SRGAP3: variants seen among roughly 807,000 people sequenced by gnomAD.
The protein encoded by SRGAP3 is SLIT-ROBO Rho GTPase activating protein 3, also known as SLIT-ROBO Rho GTPase-activating protein 3.
Under a neutral mutation model 121.1 loss-of-function variants are expected in SRGAP3, and 39 were observed. That is an observed-to-expected ratio of 0.32 (90% CI 0.25 to 0.42). SRGAP3 has a LOEUF of 0.42. SRGAP3 is among the 10% of genes least tolerant of loss of function. The probability of loss-of-function intolerance (pLI) is 1.00; values close to 1 mark genes in which losing one functional copy is unlikely to be tolerated. For synonymous variants in SRGAP3, 601 were observed against 570.0 expected (o/e 1.05, Z -0.77); for missense variants, 1,213 against 1,470.6 (o/e 0.82, Z 2.86).
intron 1 of SRGAP3, among the ~76,000 whole-genome samples, chr3:9,185,690 G>C (rs1951573742): frequency 6.6e-6 from 1 of 151,922 alleles, no homozygotes; most frequent in South Asian, 2.1e-4. Flanking sequence ...TGTCACTCAA[G>C]TAGCACTAAG....
Position 9,056,355 on chromosome 3 carries a change from A to C in SRGAP3, c.1024-21T>G, listed in dbSNP as rs775808025. The C allele has an allele frequency of 3.7e-6, 6 of 1,609,956 alleles. No homozygotes were observed. In the Admixed American group the frequency reaches 1.0e-4, roughly 27 times the overall value. ...CAGACCTGCAGGAATAACAGCCACCATCTGTGGTTGCCCTGTGCCCTCCTC... is the reference window on the plus strand; with the variant it reads ...CAGACCTGCAGGAATAACAGCCACCCTCTGTGGTTGCCCTGTGCCCTCCTC... On this transcript the variant is annotated intron_variant, in intron 7 of 21. Transcript: ENST00000383836.
intron 3 of SRGAP3, among the ~76,000 whole-genome samples, chr3:9,101,461 G>C (rs1462014335): frequency 3.3e-5 from 5 of 152,204 alleles, no homozygotes; most frequent in Non-Finnish European, 7.3e-5. Context: ...ACCCGTGCTG[G>C]ACCAATCACA....
intron 4 of SRGAP3, 71 bp from the exon 5 acceptor site, chr3:9,064,652 C>A: frequency 6.3e-7 from 1 of 1,577,828 alleles, no homozygotes; most frequent in Non-Finnish European, 8.6e-7. Flanking sequence ...TTACTCCTGG[C>A]TCCATACCAA....
intron 1 of SRGAP3, among the ~76,000 whole-genome samples, chr3:9,164,144 T>G (rs1441079629): frequency 6.6e-6 from 1 of 151,502 alleles, no homozygotes; most frequent in Non-Finnish European, 1.5e-5. Context: ...ATTACAGGCA[T>G]GTGCAACCAC....
intron 4 of SRGAP3, among the ~76,000 whole-genome samples, chr3:9,078,725 C>T (rs1246436012): frequency 6.6e-6 from 1 of 152,126 alleles, no homozygotes; most frequent in Non-Finnish European, 1.5e-5. Flanking sequence ...GCTGTTCTGC[C>T]CCCCAGTGAC....
intron 1 of SRGAP3, among the ~76,000 whole-genome samples, chr3:9,126,345 A>G (rs76985533): frequency 0.03 from 4,506 of 152,288 alleles, 210 homozygotes; most frequent in African/African-American, 0.1. Context: ...TAAAATGTTC[A>G]TGTTGGCCAG....
intron 1 of SRGAP3, among the ~76,000 whole-genome samples, chr3:9,135,755 T>A (rs972752637): frequency 6.6e-6 from 1 of 152,140 alleles, no homozygotes; most frequent in Non-Finnish European, 1.5e-5. Flanking sequence ...TATACAGAGG[T>A]GGCATGGCGC....
intron 3 of SRGAP3, among the ~76,000 whole-genome samples, chr3:9,099,293 C>G (rs1948113571): frequency 6.6e-6 from 1 of 152,202 alleles, no homozygotes; most frequent in African/African-American, 2.4e-5. Context: ...AGTCTTTCCT[C>G]ATTAGTGCTT....
intron 4 of SRGAP3, among the ~76,000 whole-genome samples, chr3:9,076,145 G>T (rs1181549667): frequency 6.6e-6 from 1 of 152,112 alleles, no homozygotes; most frequent in African/African-American, 2.4e-5. Context: ...TAATTGACCA[G>T]AAAACTGCAG....
intron 1 of SRGAP3, chr3:9,348,706 G>A: frequency 8.4e-7 from 1 of 1,195,312 alleles, no homozygotes; most frequent in East Asian, 2.3e-5. Flanking sequence ...GCCTCAATGA[G>A]CAGCACTCTG....
In SRGAP3 at chr3:8,985,870, C is replaced by T. The variant is rs147085328; in HGVS notation, c.2949G>A (p.Thr983=). 102 of 1,599,928 alleles carry T rather than the reference C, an allele frequency of 6.4e-5. No homozygotes were observed. In the African/African-American group the frequency reaches 7.7e-4, roughly 12 times the overall value. Residue 983 remains threonine (T), a synonymous_variant, in exon 22 of 22, where the codon ACG becomes ACA. Transcript: ENST00000383836. The surrounding 1 kb of genome is among the most constrained non-coding windows in gnomAD (Gnocchi z 5.1). The part of the protein sequence containing the change: ...HELRELERQN[T]VKQAPDVVLD... ...GCACCACATCTGGCGCCTGCTTGAC[C>T]GTGTTCTGCCTCTCGAGTTCCCGCA...
chr3:9,323,090 T>C (rs1022788136), intron 3 of SRGAP3, among the ~76,000 whole-genome samples: 4 of 151,832 alleles, frequency 2.6e-5, no homozygotes, highest in African/African-American at 9.7e-5. Context: ...TATGATTCCA[T>C]CTGTATGTCC....
At chr3:9,119,355 A>C (rs1166655556) in intron 2 of SRGAP3, among the ~76,000 whole-genome samples, 1 of 152,026 alleles carries the variant, frequency 6.6e-6, no homozygotes, top group East Asian at 1.9e-4. Flanking sequence ...CCTCGGCTCC[A>C]CCCTCCAACC....
At chr3:9,180,610 C>T (rs1438632480) in intron 1 of SRGAP3, among the ~76,000 whole-genome samples, 1 of 152,202 alleles carries the variant, frequency 6.6e-6, no homozygotes, top group Non-Finnish European at 1.5e-5. Context: ...AAAAGCCATA[C>T]CCTGCAATCA....
At chr3:9,214,341 C>T (rs1952546946) in intron 1 of SRGAP3, among the ~76,000 whole-genome samples, 1 of 152,140 alleles carries the variant, frequency 6.6e-6, no homozygotes, top group Admixed American at 6.6e-5. Context: ...TAGCATAACC[C>T]TTATTTACAG....
intron 1 of SRGAP3, among the ~76,000 whole-genome samples, chr3:9,167,672 G>C (rs932962680): frequency 2.0e-5 from 3 of 152,184 alleles, no homozygotes; most frequent in Non-Finnish European, 4.4e-5. Context: ...CAGATGTCCA[G>C]GGTGCAACTT....
At chr3:9,124,383 G>C (rs779089180) in intron 2 of SRGAP3, among the ~76,000 whole-genome samples, 1 of 152,112 alleles carries the variant, frequency 6.6e-6, no homozygotes, top group Non-Finnish European at 1.5e-5. Context: ...GGAGGTAGGG[G>C]TCTCACCAGG....
intron 1 of SRGAP3, among the ~76,000 whole-genome samples, chr3:9,353,412 T>G (rs947954264): frequency 6.6e-6 from 1 of 152,242 alleles, no homozygotes; most frequent in East Asian, 1.9e-4. Context: ...ATCTCAGTTA[T>G]AAGGATACAG....
intron 4 of SRGAP3, among the ~76,000 whole-genome samples, chr3:9,069,298 G>C (rs1342365930): frequency 6.6e-6 from 1 of 152,130 alleles, no homozygotes; most frequent in African/African-American, 2.4e-5. Flanking sequence ...ATCAGAAGGG[G>C]GTAGATGGGG....
Sources: gnomAD v4.1 joint callset for allele counts (sites outside exome capture counted in the v4.1 genomes callset) on GRCh38, gnomAD v4.1.1 for gene constraint, Gnocchi (gnomAD v3.1) non-coding constraint, MANE v1.5 for transcripts, NCBI Gene and HGNC (gene_info 2026-07-23, HGNC 2026-07-21) for gene names.